The following GHR variants were observed in gnomAD, a reference collection of about 807,000 sequenced individuals.
The protein encoded by GHR is GH receptor.
A neutral mutation model predicts 67.1 loss-of-function variants in GHR; 35 were observed. The ratio of observed to expected loss-of-function variants is 0.52; its 90% CI spans 0.40 to 0.69. The LOEUF (loss-of-function observed/expected upper bound fraction) is 0.69, where lower values mean the gene tolerates loss of function less well. Ranked by LOEUF, GHR falls within the 30% of genes least tolerant of loss-of-function variation. The pLI is 0.00. For synonymous variants in GHR, 272 were observed against 269.1 expected, an observed-to-expected ratio of 1.01 and a Z score of -0.10; for missense variants, 792 against 764.6, an observed-to-expected ratio of 1.04 and a Z score of -0.42.
intron 3 of GHR, among the ~76,000 whole-genome samples, chr5:42,660,796 G>A (rs556729094): frequency 1.4e-4 from 21 of 152,282 alleles, no homozygotes; most frequent in African/African-American, 3.6e-4. Context: ...GACTTCAGAC[G>A]ATCAAATTAC....
chr5:42,534,320 ATGTACATG>A (rs1429674703), intron 1 of GHR, among the ~76,000 whole-genome samples: 1 of 141,588 alleles, frequency 7.1e-6, no homozygotes, highest in African/African-American at 2.7e-5. Flanking sequence ...GTATGTATAT[ATGTACATG>A]TGTATATGTG....
intron 2 of GHR, among the ~76,000 whole-genome samples, chr5:42,592,548 A>G (rs1294230408): frequency 6.6e-6 from 1 of 152,248 alleles, no homozygotes; most frequent in Non-Finnish European, 1.5e-5. Flanking sequence ...TAGTTTGCTC[A>G]GGATAATGGC....
At chr5:42,433,482 T>C (rs1230097811) in intron 1 of GHR, among the ~76,000 whole-genome samples, 1 of 152,164 alleles carries the variant, frequency 6.6e-6, no homozygotes, top group Non-Finnish European at 1.5e-5. Context: ...AGGAATGTGC[T>C]AGACACTAGG....
At chr5:42,658,649 T>C (rs545795794) in intron 3 of GHR, among the ~76,000 whole-genome samples, 127 of 152,064 alleles carry the variant, frequency 8.4e-4, no homozygotes, top group African/African-American at 2.7e-3. Flanking sequence ...GGTGATTTTT[T>C]TCCCCCCAGG....
intron 1 of GHR, chr5:42,465,314 TGC>T: frequency 1.4e-6 from 1 of 707,872 alleles, no homozygotes; most frequent in Non-Finnish European, 2.5e-6. Flanking sequence ...ATTTTTTTTT[TGC>T]ATGAAAATAA....
intron 2 of GHR, among the ~76,000 whole-genome samples, chr5:42,579,863 C>T (rs1052833094): frequency 4.0e-5 from 6 of 151,724 alleles, no homozygotes; most frequent in East Asian, 1.9e-4. Context: ...GAACATTCCA[C>T]GTACTGAACT....
intron 3 of GHR, among the ~76,000 whole-genome samples, chr5:42,661,550 A>C (rs1027273949): frequency 4.6e-5 from 7 of 152,232 alleles, no homozygotes; most frequent in Non-Finnish European, 7.3e-5. Context: ...AGACAAGCAA[A>C]TGCTGAGAGA....
chr5:42,705,843 T>C (rs1482187593), intron 6 of GHR, among the ~76,000 whole-genome samples: 1 of 152,146 alleles, frequency 6.6e-6, no homozygotes, highest in Non-Finnish European at 1.5e-5. Context: ...TGAATAGTGC[T>C]ATGATGAACA....
chr5:42,591,034 T>G (rs1260872023), intron 2 of GHR, among the ~76,000 whole-genome samples: 2 of 152,254 alleles, frequency 1.3e-5, no homozygotes, highest in East Asian at 3.8e-4. Context: ...AGAAGCATTC[T>G]GCATTAGGCA....
intron 2 of GHR, among the ~76,000 whole-genome samples, chr5:42,624,176 G>A (rs953682033): frequency 6.6e-6 from 1 of 152,116 alleles, no homozygotes; most frequent in South Asian, 2.1e-4. Context: ...CCAAATGCAC[G>A]ATAAAGGCAA....
chr5:42,596,974 A>T (rs1245213039), intron 2 of GHR, among the ~76,000 whole-genome samples: 2 of 152,220 alleles, frequency 1.3e-5, no homozygotes, highest in Admixed American at 1.3e-4. Flanking sequence ...TCACTACAGG[A>T]CACAGTGGAG....
At chr5:42,598,468 C>T (rs1752198193) in intron 2 of GHR, among the ~76,000 whole-genome samples, 1 of 152,186 alleles carries the variant, frequency 6.6e-6, no homozygotes, top group African/African-American at 2.4e-5. Flanking sequence ...TTGAGGCTTT[C>T]CTCTTGCCTC....
At chr5:42,540,698 C>T (rs138343365) in intron 1 of GHR, among the ~76,000 whole-genome samples, 45 of 152,006 alleles carry the variant, frequency 3.0e-4, no homozygotes, top group East Asian at 9.7e-4. Context: ...TATCCACCAC[C>T]GCCCCCGCTC....
intron 1 of GHR, among the ~76,000 whole-genome samples, chr5:42,476,212 G>T (rs13166255): frequency 0.41 from 59,629 of 146,242 alleles, 12,419 homozygotes; most frequent in Middle Eastern, 0.56. Context: ...TTTTTGTTGT[G>T]TTTTTTGTTT....
chr5:42,721,124 C>T lies in GHR; in HGVS notation c.*1700C>T, dbSNP rs1429449915. 2 of 152,210 alleles carry T rather than the reference C, an allele frequency of 1.3e-5. No homozygotes were observed. Among genetic ancestry groups the T allele is most frequent in the African/African-American group, 4.8e-5 (2 of 41,418 alleles). 9.4% of individuals were successfully genotyped at this position (152,210 alleles called of 1,614,324 possible). On this transcript the variant is annotated 3_prime_UTR_variant, in exon 10 of 10. Transcript: ENST00000230882. ...GTATTTTAGCAGAGACGGGGTTTCA[C>T]CATGTTGGCCAGGATGGTCTCGATC...
At chr5:42,496,463 A>G (rs781729220) in intron 1 of GHR, among the ~76,000 whole-genome samples, 1 of 152,164 alleles carries the variant, frequency 6.6e-6, no homozygotes, top group Non-Finnish European at 1.5e-5. Flanking sequence ...CTATATCAAG[A>G]TGAAGATCCA....
rs922650313 is a variant in GHR at position 42,488,347 on chromosome 5, G to A, written c.-12+64392G>A. Among the ~76,000 whole-genome samples, 5 of 152,140 alleles carry A rather than the reference G, an allele frequency of 3.3e-5. No individual in the cohort carries two copies. In the South Asian group the frequency reaches 6.2e-4, roughly 19 times the overall value. On this transcript the variant is annotated intron_variant, in intron 1 of 9. Coordinates refer to ENST00000230882, the MANE Select transcript of GHR (RefSeq NM_000163.5). ...TAGGTAACATTTTCAAAGTTAACTC[G>A]TAAGTAAATGGCTTAGCTGGAATTT...
chr5:42,637,334 T>C (rs1754246480), intron 3 of GHR, among the ~76,000 whole-genome samples: 1 of 152,126 alleles, frequency 6.6e-6, no homozygotes, highest in East Asian at 1.9e-4. Flanking sequence ...ATTTAGGGGG[T>C]ACACGTGCAG....
At chr5:42,665,980 A>T (rs1253167854) in intron 3 of GHR, among the ~76,000 whole-genome samples, 1 of 152,020 alleles carries the variant, frequency 6.6e-6, no homozygotes, top group African/African-American at 2.4e-5. Flanking sequence ...TGATTCAATT[A>T]CCTTCCACCA....
Sources: gnomAD v4.1 joint callset for allele counts (sites outside exome capture counted in the v4.1 genomes callset) on GRCh38, gnomAD v4.1.1 for gene constraint, MANE v1.5 for transcripts, NCBI Gene and HGNC (gene_info 2026-07-23, HGNC 2026-07-21) for gene names.